Variants in ASAP1 observed in about 807,000 individuals in gnomAD.
ASAP1 encodes the protein ArfGAP with SH3 domain, ankyrin repeat and PH domain 1.
A neutral mutation model predicts 145.2 loss-of-function variants in ASAP1; 43 were observed. The observed-to-expected ratio is 0.30, with a 90% CI of 0.23 to 0.38. ASAP1 has a LOEUF of 0.38. Ranked by LOEUF, ASAP1 falls within the 10% of genes least tolerant of loss-of-function variation. The probability of loss-of-function intolerance (pLI) is 1.00; values close to 1 mark genes in which losing one functional copy is unlikely to be tolerated. For synonymous variants in ASAP1, 546 were observed against 515.5 expected, an observed-to-expected ratio of 1.06 and a Z score of -0.80; for missense variants, 1,018 against 1,355.3, an observed-to-expected ratio of 0.75 and a Z score of 3.91.
chr8:130,258,855 C>T (rs1237340854), intron 3 of ASAP1, among the ~76,000 whole-genome samples: 1 of 152,148 alleles, frequency 6.6e-6, no homozygotes, highest in Non-Finnish European at 1.5e-5. Flanking sequence ...GATTTCTTCC[C>T]TGCAAAACTG....
At chr8:130,147,105 T>C (rs2097633046) in intron 13 of ASAP1, among the ~76,000 whole-genome samples, 1 of 146,850 alleles carries the variant, frequency 6.8e-6, no homozygotes, top group South Asian at 2.1e-4. Context: ...CGCATGCCTG[T>C]AGTCCCAGCT....
intron 12 of ASAP1, 30 bp from the exon 13 acceptor site, chr8:130,152,835 T>G (rs965132395): frequency 2.0e-6 from 3 of 1,509,256 alleles, no homozygotes; most frequent in South Asian, 2.3e-5. Flanking sequence ...CAACTAGATA[T>G]AGTAACTGAT....
chr8:130,206,254 T>A (rs1178476276), intron 5 of ASAP1, among the ~76,000 whole-genome samples: 2 of 152,122 alleles, frequency 1.3e-5, no homozygotes, highest in African/African-American at 2.4e-5. Context: ...ACCATTTTTT[T>A]AAAAGATAAG....
intron 13 of ASAP1, among the ~76,000 whole-genome samples, chr8:130,151,074 A>G (rs1431757196): frequency 2.0e-5 from 3 of 151,960 alleles, no homozygotes; most frequent in African/African-American, 7.3e-5. Context: ...AAGCTTAACA[A>G]AAGATTGCTG....
intron 11 of ASAP1, among the ~76,000 whole-genome samples, chr8:130,165,126 G>GCATTTCATCATGTA: frequency 6.6e-6 from 1 of 152,262 alleles, no homozygotes; most frequent in African/African-American, 2.4e-5. Context: ...CAAATCATGT[G>GCATTTCATCATGTA]CATTTCATCA....
At chr8:130,090,634 T>C (rs1422365540) in intron 25 of ASAP1, among the ~76,000 whole-genome samples, 4 of 152,224 alleles carry the variant, frequency 2.6e-5, no homozygotes, top group East Asian at 3.8e-4. Flanking sequence ...TCTATCCTGA[T>C]AGTAAAGAAC....
intron 11 of ASAP1, among the ~76,000 whole-genome samples, chr8:130,165,391 T>C (rs1388748622): frequency 6.6e-6 from 1 of 152,142 alleles, no homozygotes; most frequent in African/African-American, 2.4e-5. Flanking sequence ...AAGACTGAAA[T>C]CTACCACCCC....
At chr8:130,374,606 C>T (rs79225486) in intron 2 of ASAP1, among the ~76,000 whole-genome samples, 1 of 152,344 alleles carries the variant, frequency 6.6e-6, no homozygotes, top group Non-Finnish European at 1.5e-5. Flanking sequence ...ACATACTTGT[C>T]GACTTTAATA....
At chr8:130,350,419 A>T (rs1825929161) in intron 3 of ASAP1, among the ~76,000 whole-genome samples, 1 of 152,188 alleles carries the variant, frequency 6.6e-6, no homozygotes, top group Admixed American at 6.5e-5. Context: ...GGTGGGTCCC[A>T]TCATTCATGA....
At chr8:130,204,857 A>G (rs554687214) in intron 5 of ASAP1, among the ~76,000 whole-genome samples, 139 of 152,342 alleles carry the variant, frequency 9.1e-4, no homozygotes, top group Non-Finnish European at 1.5e-3. Context: ...ATCTTAACCA[A>G]TAAAACATGT....
chr8:130,086,632 C>T (rs879453203), intron 25 of ASAP1, among the ~76,000 whole-genome samples: 17 of 152,036 alleles, frequency 1.1e-4, no homozygotes, highest in African/African-American at 2.4e-4. Flanking sequence ...GGTGAAACCC[C>T]GTCTCCACAA....
In ASAP1 at chr8:130,272,528, T is replaced by C. The variant is rs118114593; in HGVS notation, c.187-35534A>G. ...TTCTCCAAACGAAAGGAAATCAGTA[T>C]ATAAAAGGGATGCCTGCACCCCCAT... On this transcript the variant is annotated intron_variant, in intron 3 of 29. Transcript: ENST00000518721. 3.2e-4 allele frequency among the ~76,000 whole-genome samples: 48 copies of C among 152,310 alleles called. No individual in the cohort carries two copies. The East Asian group carries it at 8.9e-3, about 28-fold the overall frequency.
intron 24 of ASAP1, among the ~76,000 whole-genome samples, chr8:130,094,703 C>A (rs2097513578): frequency 6.6e-6 from 1 of 152,128 alleles, no homozygotes; most frequent in Non-Finnish European, 1.5e-5. Context: ...GAGGCACTCA[C>A]CCCATCAAAT....
At chr8:130,073,319 G>A (rs1240998198) in intron 27 of ASAP1, among the ~76,000 whole-genome samples, 3 of 151,762 alleles carry the variant, frequency 2.0e-5, no homozygotes, top group Non-Finnish European at 4.4e-5. Context: ...GAACCTGGGA[G>A]GCGGAGGTTG....
At chr8:130,398,891 T>C (rs1246861240) in intron 2 of ASAP1, among the ~76,000 whole-genome samples, 1 of 152,244 alleles carries the variant, frequency 6.6e-6, no homozygotes, top group Non-Finnish European at 1.5e-5. Context: ...GAATGAGTAG[T>C]GTGGAGGAAA....
At chr8:130,426,339 C>T (rs1202171949) in intron 1 of ASAP1, among the ~76,000 whole-genome samples, 1 of 151,878 alleles carries the variant, frequency 6.6e-6, no homozygotes, top group Non-Finnish European at 1.5e-5. Context: ...GATTAAACCT[C>T]TTTTCTTTAT....
intron 3 of ASAP1, among the ~76,000 whole-genome samples, chr8:130,280,624 G>GA (rs1565166865): frequency 6.6e-6 from 1 of 152,178 alleles, no homozygotes; most frequent in African/African-American, 2.4e-5. Flanking sequence ...AAAGGCAATA[G>GA]AAAAGAGGGA....
At chr8:130,077,075 TGGC>T (rs758487704) in intron 26 of ASAP1, among the ~76,000 whole-genome samples, 2 of 152,160 alleles carry the variant, frequency 1.3e-5, no homozygotes, top group Non-Finnish European at 2.9e-5. Context: ...ATGGGGGTGT[TGGC>T]GGCTGGCAGA....
chr8:130,393,145 T>C (rs1040783767), intron 2 of ASAP1, among the ~76,000 whole-genome samples: 2 of 152,198 alleles, frequency 1.3e-5, no homozygotes, highest in Non-Finnish European at 2.9e-5. Context: ...CCACTGCTCA[T>C]TGTAGAGCAG....
Sources: gnomAD v4.1 joint callset for allele counts (sites outside exome capture counted in the v4.1 genomes callset) on GRCh38, gnomAD v4.1.1 for gene constraint, MANE v1.5 for transcripts, NCBI Gene and HGNC (gene_info 2026-07-23, HGNC 2026-07-21) for gene names.